Variants in UNC5D observed in about 807,000 individuals in gnomAD.
UNC5D encodes unc-5 netrin receptor D.
Under a neutral mutation model 105.4 loss-of-function variants are expected in UNC5D, and 39 were observed. The ratio of observed to expected loss-of-function variants is 0.37; its 90% CI spans 0.29 to 0.48. The LOEUF is 0.48. UNC5D is among the 20% of genes least tolerant of loss of function. UNC5D has a pLI of 0.98. For synonymous variants in UNC5D, 452 were observed against 450.4 expected, an observed-to-expected ratio of 1.00 and a Z score of -0.04; for missense variants, 991 against 1,202.4, an observed-to-expected ratio of 0.82 and a Z score of 2.60.
chr8:35,243,589 A>C (rs1425761928), intron 1 of UNC5D, among the ~76,000 whole-genome samples: 1 of 152,196 alleles, frequency 6.6e-6, no homozygotes, highest in Non-Finnish European at 1.5e-5. Context: ...CATATGCTTA[A>C]GAATGATCCG....
intron 1 of UNC5D, among the ~76,000 whole-genome samples, chr8:35,503,909 G>A (rs1193328064): frequency 6.6e-6 from 1 of 152,210 alleles, no homozygotes; most frequent in Non-Finnish European, 1.5e-5. Context: ...GCCCGGCACA[G>A]TGCTTATTAG....
chr8:35,304,564 G>GCATAA (rs1184423189), intron 1 of UNC5D, among the ~76,000 whole-genome samples: 19 of 152,044 alleles, frequency 1.2e-4, no homozygotes, highest in African/African-American at 4.6e-4. Context: ...TATGCTGTAA[G>GCATAA]TGCACAAGCG....
chr8:35,615,828 T>C (rs1820993682), intron 4 of UNC5D, among the ~76,000 whole-genome samples: 1 of 152,174 alleles, frequency 6.6e-6, no homozygotes, highest in African/African-American at 2.4e-5. Context: ...CTGGGGAGCA[T>C]ATGTGACTCA....
At chr8:35,413,292 T>G (rs147097451) in intron 1 of UNC5D, among the ~76,000 whole-genome samples, 24 of 128,044 alleles carry the variant, frequency 1.9e-4, no homozygotes, top group African/African-American at 5.5e-4. Context: ...TGTGTGTGTG[T>G]TGTGTGTGTG....
intron 1 of UNC5D, among the ~76,000 whole-genome samples, chr8:35,280,303 G>T (rs1354849023): frequency 6.6e-6 from 1 of 152,150 alleles, no homozygotes; most frequent in Admixed American, 6.5e-5. Context: ...TATTGAGGTG[G>T]ATCTGTAATG....
At chr8:35,651,834 A>G (rs1450478984) in intron 4 of UNC5D, among the ~76,000 whole-genome samples, 2 of 152,204 alleles carry the variant, frequency 1.3e-5, no homozygotes, top group Non-Finnish European at 2.9e-5. Context: ...GTATAATTCT[A>G]GTTCATGCTC....
At chr8:35,446,793 A>G (rs1297580650) in intron 1 of UNC5D, among the ~76,000 whole-genome samples, 1 of 152,100 alleles carries the variant, frequency 6.6e-6, no homozygotes, top group Admixed American at 6.6e-5. Context: ...ATTGCCTAAC[A>G]CAGTGACTCT....
chr8:35,759,343 TC>T lies in UNC5D; in HGVS notation c.2188del (p.Gln730LysfsTer96). ...AGGAAGTGGTTTCAGATGAAAGGCA[TC>T]AAGGTGGACAGCTCCTGGAAGAACC... is the stretch of plus-strand genomic sequence containing the variant. Reference protein sequence around the residue: ...FQEVVSDERHQGGQLLEEPKL... With the variant: ...FQEVVSDERHXGGQLLEEPKL... On this transcript the variant is annotated frameshift_variant, in exon 14 of 17. Transcript: ENST00000404895. LOFTEE classifies it high-confidence loss of function. 6.2e-7 allele frequency: 1 copy of T among 1,613,582 alleles called. No homozygotes were observed. Among genetic ancestry groups the T allele is most frequent in the Non-Finnish European group, 8.5e-7 (1 of 1,179,858 alleles).
intron 1 of UNC5D, among the ~76,000 whole-genome samples, chr8:35,411,069 A>C (rs1805131877): frequency 6.6e-6 from 1 of 151,940 alleles, no homozygotes; most frequent in Admixed American, 6.6e-5. Context: ...TCCAGATGGA[A>C]AATATTGGTA....
intron 1 of UNC5D, among the ~76,000 whole-genome samples, chr8:35,514,662 G>A (rs951804061): frequency 2.0e-5 from 3 of 152,114 alleles, no homozygotes; most frequent in Non-Finnish European, 4.4e-5. Flanking sequence ...TTTTGTGTCT[G>A]AAAATATTTT....
At chr8:35,459,601 A>G (rs947636526) in intron 1 of UNC5D, among the ~76,000 whole-genome samples, 9 of 152,208 alleles carry the variant, frequency 5.9e-5, no homozygotes, top group African/African-American at 2.2e-4. Context: ...AAGAAGATTC[A>G]TAGCCTCTGC....
intron 1 of UNC5D, among the ~76,000 whole-genome samples, chr8:35,388,487 C>T (rs1040460847): frequency 1.3e-5 from 2 of 152,096 alleles, no homozygotes; most frequent in Non-Finnish European, 2.9e-5. Flanking sequence ...GTTATCAAGG[C>T]AGTGTGTTTC....
intron 4 of UNC5D, among the ~76,000 whole-genome samples, chr8:35,659,838 A>T (rs1162626428): frequency 6.6e-6 from 1 of 152,206 alleles, no homozygotes; most frequent in East Asian, 1.9e-4. Context: ...TCAGCCCCTG[A>T]AAAGCTTGAT....
At chr8:35,348,634 G>A (rs147323941) in intron 1 of UNC5D, among the ~76,000 whole-genome samples, 8 of 151,814 alleles carry the variant, frequency 5.3e-5, no homozygotes, top group Non-Finnish European at 1.0e-4. Context: ...AATGACAAAC[G>A]TTAAAAATTC....
chr8:35,510,310 CA>C (rs11317897), intron 1 of UNC5D, among the ~76,000 whole-genome samples: 23,331 of 71,800 alleles, frequency 0.32, 1,834 homozygotes, highest in African/African-American at 0.43. Flanking sequence ...TTTTTATATC[CA>C]AAAAAAAAAA....
chr8:35,633,374 A>G (rs1026046173), intron 4 of UNC5D, among the ~76,000 whole-genome samples: 2 of 152,186 alleles, frequency 1.3e-5, no homozygotes, highest in East Asian at 1.9e-4. Flanking sequence ...CAATAATTTT[A>G]TAACCACACA....
intron 1 of UNC5D, among the ~76,000 whole-genome samples, chr8:35,428,628 TC>T (rs1452041074): frequency 6.6e-6 from 1 of 151,942 alleles, no homozygotes; most frequent in African/African-American, 2.4e-5. Flanking sequence ...CACTCTCACT[TC>T]CCCATAAACT....
chr8:35,722,658 ATGAGT>A (rs566370726), intron 9 of UNC5D, among the ~76,000 whole-genome samples: 307 of 152,334 alleles, frequency 2.0e-3, no homozygotes, highest in Non-Finnish European at 3.5e-3. Context: ...GGTCAGCCTA[ATGAGT>A]TATTTTATTT....
At chr8:35,418,026 T>G (rs1486644580) in intron 1 of UNC5D, among the ~76,000 whole-genome samples, 1 of 152,184 alleles carries the variant, frequency 6.6e-6, no homozygotes, top group Non-Finnish European at 1.5e-5. Context: ...GTTGAGTCCA[T>G]TCATTTCTCA....
Sources: gnomAD v4.1 joint callset for allele counts (sites outside exome capture counted in the v4.1 genomes callset) on GRCh38, gnomAD v4.1.1 for gene constraint, MANE v1.5 for transcripts, NCBI Gene and HGNC (gene_info 2026-07-23, HGNC 2026-07-21) for gene names.